KIAA1217: variants seen among roughly 807,000 people sequenced by gnomAD.
KIAA1217 encodes the protein KIAA1217, also known as sickle tail protein homolog.
In KIAA1217, 88 loss-of-function variants were observed where a neutral mutation model predicts 163.9. That is an observed-to-expected ratio of 0.54 (90% CI 0.45 to 0.64). The LOEUF (loss-of-function observed/expected upper bound fraction) is 0.64, where lower values mean the gene tolerates loss of function less well. Among genes scored for constraint, KIAA1217 ranks in the 30% least tolerant of loss-of-function variants. The probability of loss-of-function intolerance (pLI) is 0.00; values close to 1 mark genes in which losing one functional copy is unlikely to be tolerated. For synonymous variants in KIAA1217, 903 were observed against 923.1 expected (o/e 0.98, Z 0.39); for missense variants, 2,372 against 2,475.0 (o/e 0.96, Z 0.88).
chr10:24,406,523 C>T (rs1206202203), intron 3 of KIAA1217, among the ~76,000 whole-genome samples: 2 of 152,136 alleles, frequency 1.3e-5, no homozygotes, highest in East Asian at 1.9e-4. Context: ...AACCTGAACA[C>T]GCCCCTCTGG....
In KIAA1217 at chr10:24,473,340, C is replaced by G; in HGVS notation, c.959C>G (p.Pro320Arg). The change falls in exon 6 of 21, where the codon CCC (proline) becomes CGC (arginine). Residue 320 changes from proline (P) to arginine (R), a missense_variant. Physicochemically the swap from Pro to Arg is moderately radical, Grantham distance 103. Around this residue, in one of 3 missense-constraint regions of KIAA1217, gnomAD observed 1,431 missense variants for 1,470.3 expected, o/e 0.97. Coordinates refer to ENST00000376454, the MANE Select transcript of KIAA1217 (RefSeq NM_019590.5). ...IPNSPPSTPV[P>R]HSMPPSPSRI... ...AATTCCCCACCGTCTACTCCAGTGC[C>G]CCATTCCATGCCCCCCTCCCCGTCC... 1 of 1,595,762 alleles carries G rather than the reference C, an allele frequency of 6.3e-7. No individual in the cohort carries two copies. The highest frequency in any genetic ancestry group is 8.5e-7 in the Non-Finnish European group (1 of 1,170,730).
chr10:24,127,004 A>C (rs1042146042), intron 2 of KIAA1217, among the ~76,000 whole-genome samples: 38 of 152,218 alleles, frequency 2.5e-4, no homozygotes, highest in African/African-American at 9.1e-4. Context: ...CCAATAAAAC[A>C]CTTGAAAAAA....
At chr10:24,208,438 A>C, upstream of KIAA1217, among the ~76,000 whole-genome samples, 1 of 151,634 alleles carries the variant, frequency 6.6e-6, no homozygotes, top group South Asian at 2.1e-4. Flanking sequence ...TGAGAAAGTG[A>C]GCAAGTACGT....
chr10:24,011,130 G>C (rs975545917), intron 2 of KIAA1217, among the ~76,000 whole-genome samples: 3 of 152,210 alleles, frequency 2.0e-5, no homozygotes, highest in Non-Finnish European at 4.4e-5. Flanking sequence ...TGTGAGTGTA[G>C]TATTTCATGA....
chr10:23,827,302 G>A (rs1186712593), intron 1 of KIAA1217, among the ~76,000 whole-genome samples: 3 of 152,182 alleles, frequency 2.0e-5, no homozygotes, highest in Non-Finnish European at 4.4e-5. Context: ...GCCTAAGGAA[G>A]AGCCTGAAAA....
intron 2 of KIAA1217, 40 bp from the exon 3 acceptor site, chr10:24,380,829 A>G (rs181569376): frequency 3.1e-5 from 43 of 1,398,082 alleles, no homozygotes; most frequent in East Asian, 1.2e-4. Context: ...ACGATTAATA[A>G]TAGTCTATTT....
chr10:24,322,222 G>A (rs61519221), intron 2 of KIAA1217, among the ~76,000 whole-genome samples: 286 of 152,270 alleles, frequency 1.9e-3, no homozygotes, highest in African/African-American at 6.0e-3. Flanking sequence ...CCAAAGTGCT[G>A]GGATTACAGG....
chr10:24,119,173 C>T (rs1367307265), intron 2 of KIAA1217, among the ~76,000 whole-genome samples: 1 of 152,186 alleles, frequency 6.6e-6, no homozygotes, highest in South Asian at 2.1e-4. Context: ...CATTTGATTT[C>T]ATTAACATGT....
intron 2 of KIAA1217, among the ~76,000 whole-genome samples, chr10:24,265,452 T>G (rs2131825299): frequency 6.6e-6 from 1 of 152,332 alleles, no homozygotes; most frequent in East Asian, 1.9e-4. Context: ...TAGAGAAATA[T>G]TCCTCCTTCC....
chr10:24,380,803 T>C, intron 2 of KIAA1217, 66 bp from the exon 3 acceptor site: 1 of 1,191,300 alleles, frequency 8.4e-7, no homozygotes, highest in East Asian at 2.5e-5. Context: ...GAAATGGCAT[T>C]GGACATATTT....
At chr10:24,135,569 C>T (rs1444684964) in intron 2 of KIAA1217, among the ~76,000 whole-genome samples, 1 of 151,996 alleles carries the variant, frequency 6.6e-6, no homozygotes, top group Non-Finnish European at 1.5e-5. Context: ...GGTGTGATCA[C>T]AGGTTTTTAA....
chr10:24,219,721 G>C lies in KIAA1217; in HGVS notation c.166G>C (p.Val56Leu), dbSNP rs1205804466. 1.9e-6 allele frequency: 3 copies of C among 1,614,034 alleles called. No homozygotes were observed. Among genetic ancestry groups the C allele is most frequent in the South Asian group, 2.2e-5 (2 of 91,074 alleles). ...TTCTAATGGAAACAGTCGTGGTTCA[G>C]TTTCCAAGTCTTCCCGCAATATCCC... ...RLSNGNSRGS[V>L]SKSSRNIPRR... is the part of the protein sequence containing the mutation. Residue 56 changes from valine to leucine, a missense_variant, in exon 2 of 21, where the codon GTT becomes CTT. This residue lies in a region of KIAA1217 where 1,431 missense variants were observed against 1,470.3 expected (regional missense o/e 0.97). Coordinates refer to ENST00000376454, the MANE Select transcript of KIAA1217 (RefSeq NM_019590.5).
chr10:24,448,590 G>A (rs2132227894), intron 5 of KIAA1217, among the ~76,000 whole-genome samples: 1 of 152,242 alleles, frequency 6.6e-6, no homozygotes, highest in East Asian at 1.9e-4. Context: ...GTCTCCCTAT[G>A]TTGCCCAGGC....
At chr10:24,159,643 C>T (rs932529066) in intron 2 of KIAA1217, among the ~76,000 whole-genome samples, 6 of 151,954 alleles carry the variant, frequency 3.9e-5, no homozygotes, top group East Asian at 1.9e-4. Flanking sequence ...ATTAGCTCGG[C>T]GTGCTGGCAG....
intron 2 of KIAA1217, among the ~76,000 whole-genome samples, chr10:24,057,451 G>A (rs1296273461): frequency 6.6e-6 from 1 of 152,086 alleles, no homozygotes. Context: ...TCAATCCCAA[G>A]CAACCAGAAT....
intron 1 of KIAA1217, among the ~76,000 whole-genome samples, chr10:23,768,347 TCTTG>T (rs1460310922): frequency 6.6e-6 from 1 of 152,218 alleles, no homozygotes; most frequent in Non-Finnish European, 1.5e-5. Context: ...GAGCAGGGAT[TCTTG>T]CTGTGGAGAG....
intron 2 of KIAA1217, among the ~76,000 whole-genome samples, chr10:24,274,470 A>AT (rs1410316044): frequency 2.0e-5 from 3 of 152,234 alleles, no homozygotes; most frequent in Non-Finnish European, 4.4e-5. Context: ...AGTAAAAAAG[A>AT]TGAACCTGCT....
chr10:24,546,007 C>T lies in KIAA1217; in HGVS notation c.5515C>T (p.Pro1839Ser). ...TACTAAACCATCGATTGCTTCTAACCCTCTCAGCCCCCAAACAGGACCACC... is the reference window on the plus strand; with the variant it reads ...TACTAAACCATCGATTGCTTCTAACTCTCTCAGCCCCCAAACAGGACCACC... Reference protein sequence around the residue: ...PATKPSIASNPLSPQTGPPAH... With the variant: ...PATKPSIASNSLSPQTGPPAH... Residue 1839 changes from proline (P) to serine (S), a missense_variant, in exon 21 of 21, where the codon CCT (proline) becomes TCT (serine). Physicochemically the swap from Pro to Ser is moderately conservative, Grantham distance 74 (BLOSUM62 -1). Transcript: ENST00000376454. 3 of 1,614,138 alleles carry T rather than the reference C, an allele frequency of 1.9e-6. No individual in the cohort carries two copies. The highest frequency in any genetic ancestry group is 2.5e-6 in the Non-Finnish European group (3 of 1,180,016).
At chr10:24,218,761 T>C (rs911662513) in intron 1 of KIAA1217, among the ~76,000 whole-genome samples, 1 of 152,146 alleles carries the variant, frequency 6.6e-6, no homozygotes, top group African/African-American at 2.4e-5. Context: ...AGTGCTGGGA[T>C]TACAGGCATG....
Sources: gnomAD v4.1 joint callset for allele counts (sites outside exome capture counted in the v4.1 genomes callset) on GRCh38, gnomAD v4.1.1 for gene constraint, gnomAD v4.1.1 regional missense constraint, MANE v1.5 for transcripts, NCBI Gene and HGNC (gene_info 2026-07-23, HGNC 2026-07-21) for gene names.